ARHGEF19: variants seen among roughly 807,000 people sequenced by gnomAD.
ARHGEF19 encodes the protein Rho guanine nucleotide exchange factor (GEF) 19.
Under a neutral mutation model 87.6 loss-of-function variants are expected in ARHGEF19, and 92 were observed. That is an observed-to-expected ratio of 1.05 (90% confidence interval 0.89 to 1.25). The LOEUF (loss-of-function observed/expected upper bound fraction) is 1.25, where lower values mean the gene tolerates loss of function less well. Among genes scored for constraint, ARHGEF19 ranks in the 50% most tolerant of loss-of-function variants. The pLI is 0.00. For synonymous variants in ARHGEF19, 438 were observed against 446.2 expected (o/e 0.98, Z 0.23); for missense variants, 1,054 against 1,051.8 (o/e 1.00, Z -0.03).
rs1312995638 is a variant in ARHGEF19, at chr1:16,207,056, C to T, written c.1029G>A (p.Ala343=). The T allele has an allele frequency of 1.3e-6, 2 of 1,507,784 alleles. No homozygotes were observed. The highest frequency in any genetic ancestry group is 4.4e-5 in the Admixed American group (2 of 45,188). The allele number at this position is 1,507,784 out of a possible 1,614,324, so 93.4% of individuals were successfully genotyped here. A position where few individuals can be genotyped will look rare whatever the true frequency, so the allele number is the denominator to read the frequency against. ...ANLSPSSSFR[A]QRSARGSTFS... is the part of the protein sequence containing the mutation. ...AGGTGGAGCCTCGCGCCGAGCGCTG[C>T]GCCCGGAAGGAGCTGCTGGGGGAGA... Residue 343 remains alanine, a synonymous_variant, in exon 6 of 16, where the codon GCG becomes GCA. Transcript: ENST00000270747. This position sits in a 1 kb window ranked among gnomAD's most constrained non-coding sequence, Gnocchi z 4.0.
chr1:16,205,759 T>C lies in ARHGEF19; in HGVS notation c.1452-92A>G. 1 of 1,508,106 alleles carries C rather than the reference T, an allele frequency of 6.6e-7. No individual in the cohort carries two copies. The highest frequency in any genetic ancestry group is 8.9e-7 in the Non-Finnish European group (1 of 1,126,284). 93.4% of individuals were successfully genotyped at this position (1,508,106 alleles called of 1,614,324 possible). ...ATCCACGGGGTCCTCAGGGGGCTTC[T>C]CAGCACATCCTTACTGCCCTTTGGG... is the stretch of plus-strand genomic sequence containing the variant. On this transcript the variant is annotated intron_variant, in intron 8 of 15. Transcript: ENST00000270747. This position sits in a 1 kb window ranked among gnomAD's most constrained non-coding sequence, Gnocchi z 5.8.
chr1:16,204,739 C>T lies in ARHGEF19; in HGVS notation c.1907+20G>A, dbSNP rs1286816461. 1 of 1,559,818 alleles carries T rather than the reference C, an allele frequency of 6.4e-7. No homozygotes were observed. Among genetic ancestry groups the T allele is most frequent in the Non-Finnish European group, 8.7e-7 (1 of 1,148,566 alleles). ...GCCTGGCTCCACTTTACCTACCCAC[C>T]CCTGACTGCCCCGACTCACTCCTTC... is the stretch of plus-strand genomic sequence containing the variant. On this transcript the variant is annotated intron_variant, in intron 12 of 15. Coordinates refer to ENST00000270747, the MANE Select transcript of ARHGEF19 (RefSeq NM_153213.5).
Position 16,207,849 on chromosome 1 carries a change from C to A in ARHGEF19, c.695-72G>T, listed in dbSNP as rs1249123056. On this transcript the variant is annotated intron_variant, in intron 3 of 15. Transcript: ENST00000270747. This position sits in a 1 kb window ranked among gnomAD's most constrained non-coding sequence, Gnocchi z 4.0. ...GGGGCCTGGGCCCCGGCCCAGGCAC[C>A]CTGACGGCCTCAGGCGGCCGGTGAG... The A allele has an allele frequency of 3.8e-6, 6 of 1,586,702 alleles. No homozygotes were observed. In the African/African-American group the frequency reaches 4.1e-5, roughly 11 times the overall value.
In ARHGEF19 at chr1:16,207,077, G is replaced by C. The variant is rs960598013; in HGVS notation, c.1008C>G (p.Ser336=). The C allele has an allele frequency of 2.0e-6, 3 of 1,509,290 alleles. No homozygotes were observed. Among genetic ancestry groups the C allele is most frequent in the Non-Finnish European group, 2.7e-6 (3 of 1,131,524 alleles). The allele number at this position is 1,509,290 out of a possible 1,614,324, so 93.5% of individuals were successfully genotyped here. The change falls in exon 6 of 16, where the codon TCC becomes TCG. Residue 336 remains serine (S), a synonymous_variant. Transcript: ENST00000270747. This position sits in a 1 kb window ranked among gnomAD's most constrained non-coding sequence, Gnocchi z 4.0. ...EGPGPPRANL[S]PSSSFRAQRS... The stretch of plus-strand genomic sequence containing the variant: ...GCTGCGCCCGGAAGGAGCTGCTGGG[G>C]GAGAGGTTGGCCCGCGGCGGCCCCG...
rs771950887 is a variant in ARHGEF19, at chr1:16,202,366, C to A, written c.2066+50G>T. The A allele has an allele frequency of 3.2e-6, 5 of 1,540,658 alleles. No homozygotes were observed. In the South Asian group the frequency reaches 6.0e-5, roughly 19 times the overall value. ...GGTGCCCATCATGGGGACGGGGTGCCTGTCATGGGGAGGGGGAGCCTCCTC... is the reference window on the plus strand; with the variant it reads ...GGTGCCCATCATGGGGACGGGGTGCATGTCATGGGGAGGGGGAGCCTCCTC... On this transcript the variant is annotated intron_variant, in intron 13 of 15. Transcript: ENST00000270747.
rs1291900812 is a variant in ARHGEF19, at chr1:16,206,839, C to CA, written c.1137+108dup. 2 of 1,307,056 alleles carry CA rather than the reference C, an allele frequency of 1.5e-6. No individual in the cohort carries two copies. Among genetic ancestry groups the CA allele is most frequent in the Non-Finnish European group, 2.0e-6 (2 of 1,012,054 alleles). 81.0% of individuals were successfully genotyped at this position (1,307,056 alleles called of 1,614,324 possible). The stretch of plus-strand genomic sequence containing the variant: ...CCTTCCGCGCGGACAGTCGCGCCAG[C>CA]AACCCCCTTTGTGTGTCCCCCTCCC... On this transcript the variant is annotated intron_variant, in intron 6 of 15. Coordinates refer to ENST00000270747, the MANE Select transcript of ARHGEF19 (RefSeq NM_153213.5). This position sits in a 1 kb window ranked among gnomAD's most constrained non-coding sequence, Gnocchi z 4.6.
At position 16,206,847 on chromosome 1, in the gene ARHGEF19, T is replaced by G; in HGVS notation, c.1137+101A>C. 6 of 1,301,600 alleles carry G rather than the reference T, an allele frequency of 4.6e-6. No individual in the cohort carries two copies. Among genetic ancestry groups the G allele is most frequent in the Non-Finnish European group, 5.9e-6 (6 of 1,008,524 alleles). The allele number at this position is 1,301,600 out of a possible 1,614,324, so 80.6% of individuals were successfully genotyped here. ...GCGGACAGTCGCGCCAGCAACCCCC[T>G]TTGTGTGTCCCCCTCCCTCTATGGC... is the stretch of plus-strand genomic sequence containing the variant. On this transcript the variant is annotated intron_variant, in intron 6 of 15. Transcript: ENST00000270747. This position sits in a 1 kb window ranked among gnomAD's most constrained non-coding sequence, Gnocchi z 4.6.
Position 16,207,831 on chromosome 1 carries a change from G to A in ARHGEF19, c.695-54C>T. ...GGTCCAGAGAGTGGGCCTGGGGCCT[G>A]GGCCCCGGCCCAGGCACCCTGACGG... On this transcript the variant is annotated intron_variant, in intron 3 of 15. Transcript: ENST00000270747. This position sits in a 1 kb window ranked among gnomAD's most constrained non-coding sequence, Gnocchi z 4.0. The A allele has an allele frequency of 6.3e-7, 1 of 1,597,018 alleles. No homozygotes were observed. The highest frequency in any genetic ancestry group is 8.5e-7 in the Non-Finnish European group (1 of 1,172,488).
At position 16,198,857 on chromosome 1, in the gene ARHGEF19, A is replaced by T; in HGVS notation, c.2252-113T>A. 7.5e-7 allele frequency: 1 copy of T among 1,338,034 alleles called. No individual in the cohort carries two copies. The highest frequency in any genetic ancestry group is 2.5e-5 in the Admixed American group (1 of 40,012). The allele number at this position is 1,338,034 out of a possible 1,614,324, so 82.9% of individuals were successfully genotyped here. A position where few individuals can be genotyped will look rare whatever the true frequency, so the allele number is the denominator to read the frequency against. ...TGTCTGCACCCTTGGGGCCAAGGTG[A>T]CATCATCTCAGCATCTCTCAGCTCC... is the stretch of plus-strand genomic sequence containing the variant. On this transcript the variant is annotated intron_variant, in intron 15 of 15. Coordinates refer to ENST00000270747, the MANE Select transcript of ARHGEF19 (RefSeq NM_153213.5). The surrounding 1 kb of genome is among the most constrained non-coding windows in gnomAD (Gnocchi z 4.1).
chr1:16,209,635 C>T (rs967576470), intron 1 of ARHGEF19, among the ~76,000 whole-genome samples: 11 of 152,202 alleles, frequency 7.2e-5, no homozygotes, highest in Non-Finnish European at 5.9e-5. Flanking sequence ...TTTACACAAC[C>T]GCATACATTC....
In ARHGEF19 at chr1:16,207,507, C is replaced by T. The variant is rs221056; in HGVS notation, c.874+15G>A. On this transcript the variant is annotated intron_variant, in intron 5 of 15. Transcript: ENST00000270747. The surrounding 1 kb of genome is among the most constrained non-coding windows in gnomAD (Gnocchi z 4.0). ...TCCTCCGTTACCTCCTCCCAGGGAC[C>T]CCCCTCCCACGTACAGTTAAGGAGG... 6 of 1,612,924 alleles carry T rather than the reference C, an allele frequency of 3.7e-6. No homozygotes were observed. In the South Asian group the frequency reaches 5.5e-5, roughly 15 times the overall value.
Position 16,198,809 on chromosome 1 carries a change from C to A in ARHGEF19, c.2252-65G>T. 1 of 1,519,940 alleles carries A rather than the reference C, an allele frequency of 6.6e-7. No individual in the cohort carries two copies. Among genetic ancestry groups the A allele is most frequent in the Non-Finnish European group, 8.8e-7 (1 of 1,131,620 alleles). The allele number at this position is 1,519,940 out of a possible 1,614,324, so 94.2% of individuals were successfully genotyped here. ...TACCAGGGCCAGGCCTGGAAGGGAA[C>A]ACCACAGCCCTGATGCAAGCTTTGT... On this transcript the variant is annotated intron_variant, in intron 15 of 15. Coordinates refer to ENST00000270747, the MANE Select transcript of ARHGEF19 (RefSeq NM_153213.5). This position sits in a 1 kb window ranked among gnomAD's most constrained non-coding sequence, Gnocchi z 4.1.
intron 12 of ARHGEF19, among the ~76,000 whole-genome samples, chr1:16,202,909 C>A (rs2081095641): frequency 1.3e-5 from 2 of 152,084 alleles, no homozygotes; most frequent in Non-Finnish European, 2.9e-5. Flanking sequence ...CAGAGTCTCG[C>A]TCTGTCTCCC....
At chr1:16,201,025 G>T (rs903068271) in intron 14 of ARHGEF19, among the ~76,000 whole-genome samples, 4 of 152,130 alleles carry the variant, frequency 2.6e-5, no homozygotes, top group Non-Finnish European at 5.9e-5. Flanking sequence ...GCCAGGCTGG[G>T]CAACATAGCA....
At chr1:16,210,414 A>T (rs1336092153) in intron 1 of ARHGEF19, among the ~76,000 whole-genome samples, 2 of 152,202 alleles carry the variant, frequency 1.3e-5, no homozygotes, top group Non-Finnish European at 2.9e-5. Context: ...CAGGACCAGG[A>T]GAGCCAGGAA....
chr1:16,208,332 C>T, intron 2 of ARHGEF19, 107 bp from the exon 3 acceptor site: 2 of 1,356,404 alleles, frequency 1.5e-6, no homozygotes, highest in Admixed American at 4.9e-5. Flanking sequence ...GCACCATGCC[C>T]AAGGGAAGGG....
chr1:16,208,047 C>G lies in ARHGEF19; in HGVS notation c.591G>C (p.Ser197=). Residue 197 remains serine (S), a synonymous_variant, in exon 3 of 16, where the codon TCG becomes TCC. Transcript: ENST00000270747. Reference sequence around the variant, plus strand: ...GCAGCCGGGTCATCAGCTCCGATGCCGAGAAGCGCCTCCGCTCAGGACCTT... The same window carrying G: ...GCAGCCGGGTCATCAGCTCCGATGCGGAGAAGCGCCTCCGCTCAGGACCTT... ...SLEGPERRRF[S]ASELMTRLHS... The G allele has an allele frequency of 6.2e-7, 1 of 1,613,834 alleles. No individual in the cohort carries two copies. Among genetic ancestry groups the G allele is most frequent in the East Asian group, 2.2e-5 (1 of 44,882 alleles).
At position 16,201,659 on chromosome 1, in the gene ARHGEF19, A is replaced by C. The variant is rs1569698855; in HGVS notation, c.2146+123T>G. 3.0e-6 allele frequency: 3 copies of C among 987,138 alleles called. No homozygotes were observed. In the East Asian group the frequency reaches 8.2e-5, roughly 27 times the overall value. 61.1% of individuals were successfully genotyped at this position (987,138 alleles called of 1,614,324 possible). A position where few individuals can be genotyped will look rare whatever the true frequency, so the allele number is the denominator to read the frequency against. On this transcript the variant is annotated intron_variant, in intron 14 of 15. Coordinates refer to ENST00000270747, the MANE Select transcript of ARHGEF19 (RefSeq NM_153213.5). ...TCAAGGTTCCTCAGAGCTACCCCTGACTGCCCCAGAAGTTGGTCTCTCTCC... is the reference window on the plus strand; with the variant it reads ...TCAAGGTTCCTCAGAGCTACCCCTGCCTGCCCCAGAAGTTGGTCTCTCTCC...
rs758237976 is a variant in ARHGEF19 at position 16,207,827 on chromosome 1, G to A, written c.695-50C>T. 2 of 1,598,038 alleles carry A rather than the reference G, an allele frequency of 1.3e-6. No homozygotes were observed. Among genetic ancestry groups the A allele is most frequent in the Admixed American group, 3.5e-5 (2 of 57,474 alleles). On this transcript the variant is annotated intron_variant, in intron 3 of 15. Coordinates refer to ENST00000270747, the MANE Select transcript of ARHGEF19 (RefSeq NM_153213.5). This position sits in a 1 kb window ranked among gnomAD's most constrained non-coding sequence, Gnocchi z 4.0. ...GGGGGGTCCAGAGAGTGGGCCTGGG[G>A]CCTGGGCCCCGGCCCAGGCACCCTG...
Sources: gnomAD v4.1 joint callset for allele counts (sites outside exome capture counted in the v4.1 genomes callset) on GRCh38, gnomAD v4.1.1 for gene constraint, Gnocchi (gnomAD v3.1) non-coding constraint, MANE v1.5 for transcripts, NCBI Gene and HGNC (gene_info 2026-07-23, HGNC 2026-07-21) for gene names.